Variants in TAFA4 observed in about 807,000 individuals in gnomAD.
TAFA4 encodes the protein TAFA chemokine like family member 4.
Under a neutral mutation model 21.1 loss-of-function variants are expected in TAFA4, and 20 were observed. The ratio of observed to expected loss-of-function variants is 0.95; its 90% CI spans 0.67 to 1.38. The LOEUF is 1.38. TAFA4 is among the 40% of genes most tolerant of loss of function. The pLI, the probability that TAFA4 is intolerant of heterozygous loss-of-function variation, is 0.00. For missense variants in TAFA4, 211 were observed against 180.9 expected (o/e 1.17, Z -0.95); for synonymous variants, 71 against 67.4 (o/e 1.05, Z -0.26).
chr3:68,888,720 A>T (rs1281585840), intron 1 of TAFA4, among the ~76,000 whole-genome samples: 3 of 152,096 alleles, frequency 2.0e-5, no homozygotes, highest in Non-Finnish European at 4.4e-5. Context: ...CAAAAGATGG[A>T]AGGGAAAGAG....
At chr3:68,877,819 T>A (rs1403839673) in intron 3 of TAFA4, among the ~76,000 whole-genome samples, 1 of 152,198 alleles carries the variant, frequency 6.6e-6, no homozygotes, top group African/African-American at 2.4e-5. Context: ...AATGCGAACC[T>A]TTCCACACTC....
chr3:68,815,870 G>C (rs1171132145), intron 3 of TAFA4, among the ~76,000 whole-genome samples: 1 of 152,182 alleles, frequency 6.6e-6, no homozygotes, highest in African/African-American at 2.4e-5. Context: ...GCACACATAT[G>C]TTTATTGTGG....
chr3:68,788,632 G>C (rs1016015210), intron 3 of TAFA4, among the ~76,000 whole-genome samples: 2 of 151,726 alleles, frequency 1.3e-5, no homozygotes, highest in Admixed American at 6.6e-5. Context: ...TTTTTTAAGA[G>C]ACAGGGTCTC....
intron 3 of TAFA4, among the ~76,000 whole-genome samples, chr3:68,803,964 T>C (rs915313230): frequency 2.0e-5 from 3 of 151,894 alleles, no homozygotes; most frequent in Non-Finnish European, 4.4e-5. Context: ...ATTTTTGTAT[T>C]TTTAGTAGAG....
intron 3 of TAFA4, among the ~76,000 whole-genome samples, chr3:68,801,303 T>C (rs537143007): frequency 6.6e-6 from 1 of 152,350 alleles, no homozygotes; most frequent in South Asian, 2.1e-4. Flanking sequence ...TGTTTTATTC[T>C]GTCTTTGTCT....
At chr3:68,881,286 T>C (rs1338239507) in intron 2 of TAFA4, among the ~76,000 whole-genome samples, 2 of 152,184 alleles carry the variant, frequency 1.3e-5, no homozygotes, top group Admixed American at 6.5e-5. Context: ...GACTGTACCC[T>C]AAGGCTTTCT....
At chr3:68,755,949 C>T (rs1702652739) in intron 3 of TAFA4, among the ~76,000 whole-genome samples, 1 of 152,152 alleles carries the variant, frequency 6.6e-6, no homozygotes, top group Admixed American at 6.5e-5. Flanking sequence ...TGTGAGCAGC[C>T]CTATGCAGAG....
chr3:68,759,928 A>C (rs13095333), intron 3 of TAFA4, among the ~76,000 whole-genome samples: 5 of 151,832 alleles, frequency 3.3e-5, no homozygotes, highest in Non-Finnish European at 5.9e-5. Context: ...TATTTTACCA[A>C]CTCTTACGTA....
intron 3 of TAFA4, among the ~76,000 whole-genome samples, chr3:68,802,768 C>T (rs1703603507): frequency 6.6e-6 from 1 of 152,152 alleles, no homozygotes; most frequent in African/African-American, 2.4e-5. Flanking sequence ...CATTTCTAAG[C>T]ATAGAACATC....
chr3:68,832,307 C>A (rs1298011622), intron 3 of TAFA4, among the ~76,000 whole-genome samples: 1 of 152,192 alleles, frequency 6.6e-6, no homozygotes, highest in Non-Finnish European at 1.5e-5. Flanking sequence ...TTCTCCCCAT[C>A]TTTGCGGTTT....
chr3:68,837,724 C>A (rs777137111), intron 3 of TAFA4, among the ~76,000 whole-genome samples: 2 of 152,014 alleles, frequency 1.3e-5, no homozygotes, highest in South Asian at 4.2e-4. Flanking sequence ...AGGATTGGGA[C>A]AAAGGTTAAG....
intron 3 of TAFA4, among the ~76,000 whole-genome samples, chr3:68,827,312 T>A (rs1704272695): frequency 6.6e-6 from 1 of 152,176 alleles, no homozygotes; most frequent in Non-Finnish European, 1.5e-5. Context: ...TGGTTCCAAG[T>A]CTTTGCTATT....
At chr3:68,900,666 C>G (rs2089836861) in intron 1 of TAFA4, among the ~76,000 whole-genome samples, 1 of 152,138 alleles carries the variant, frequency 6.6e-6, no homozygotes, top group Admixed American at 6.5e-5. Context: ...AAAGATCAGG[C>G]CTCTTCTCTC....
chr3:68,909,386 T>C (rs921516276), intron 1 of TAFA4, among the ~76,000 whole-genome samples: 1 of 152,148 alleles, frequency 6.6e-6, no homozygotes, highest in African/African-American at 2.4e-5. Context: ...GCAGGACCTG[T>C]CGTCACCATA....
intron 3 of TAFA4, among the ~76,000 whole-genome samples, chr3:68,771,048 T>C (rs998172556): frequency 3.3e-5 from 5 of 151,942 alleles, no homozygotes; most frequent in Admixed American, 6.6e-5. Flanking sequence ...CTGGGGGCGG[T>C]TGAAGAAGAG....
intron 1 of TAFA4, among the ~76,000 whole-genome samples, chr3:68,895,527 G>A (rs925452864): frequency 6.6e-6 from 1 of 152,184 alleles, no homozygotes; most frequent in African/African-American, 2.4e-5. Context: ...TGGGGGAAGT[G>A]GAAGAGCCAC....
At chr3:68,920,662 T>TTC (rs2090050926) in intron 1 of TAFA4, among the ~76,000 whole-genome samples, 1 of 137,102 alleles carries the variant, frequency 7.3e-6, no homozygotes, top group Non-Finnish European at 1.6e-5. Flanking sequence ...TTTTTTTTTT[T>TTC]ACAACTTGTG....
At chr3:68,779,708 A>T (rs951942480) in intron 3 of TAFA4, among the ~76,000 whole-genome samples, 7 of 152,200 alleles carry the variant, frequency 4.6e-5, no homozygotes, top group African/African-American at 1.7e-4. Flanking sequence ...GGAGGTATGG[A>T]AACACCTGGA....
chr3:68,741,879 A>G (rs1702363386), intron 4 of TAFA4, among the ~76,000 whole-genome samples: 1 of 152,062 alleles, frequency 6.6e-6, no homozygotes, highest in Non-Finnish European at 1.5e-5. Context: ...TCATTTAATA[A>G]CGCCGGCATT....
Sources: allele counts gnomAD v4.1 joint callset (sites outside exome capture counted in the v4.1 genomes callset), GRCh38; gene constraint gnomAD v4.1.1; transcripts MANE v1.5; gene names NCBI Gene and HGNC (gene_info 2026-07-23, HGNC 2026-07-21).